Variants in WDR47 observed in about 807,000 individuals in gnomAD.
The protein encoded by WDR47 is WD repeat-containing protein 47.
WDR47 carries 32 observed loss-of-function variants against 97.2 expected under a neutral mutation model. The observed-to-expected ratio is 0.33, with a 90% confidence interval of 0.25 to 0.44. The LOEUF (loss-of-function observed/expected upper bound fraction) is 0.44, where lower values mean the gene tolerates loss of function less well. Ranked by LOEUF, WDR47 falls within the 20% of genes least tolerant of loss-of-function variation. The pLI is 1.00. For synonymous variants in WDR47, 375 were observed against 373.5 expected (o/e 1.00, Z -0.05); for missense variants, 782 against 1,102.3 (o/e 0.71, Z 4.11).
chr1:109,016,335 A>G (rs1328496023), intron 3 of WDR47, among the ~76,000 whole-genome samples: 3 of 151,848 alleles, frequency 2.0e-5, no homozygotes. Context: ...CCCAGGAGGT[A>G]AGGCTACAGT....
At chr1:109,037,030 TA>T (rs780260782) in intron 1 of WDR47, among the ~76,000 whole-genome samples, 1 of 151,632 alleles carries the variant, frequency 6.6e-6, no homozygotes, top group Non-Finnish European at 1.5e-5. Context: ...AAGCTCTTCT[TA>T]AAGTTTCAAA....
chr1:108,981,253 T>C (rs1419901124), intron 13 of WDR47, among the ~76,000 whole-genome samples: 19 of 152,092 alleles, frequency 1.2e-4, no homozygotes, highest in Admixed American at 9.2e-4. Flanking sequence ...TGTGTGTGTG[T>C]GCGTGTGTGT....
At position 108,975,679 on chromosome 1, in the gene WDR47, TA is replaced by T. The variant is rs200500804; in HGVS notation, c.2399-926del. The stretch of plus-strand genomic sequence containing the variant: ...GAGACCCTGTCTCAAAAAAATAAAT[TA>T]AAAAAAAAAAAGTTTGAATAACACT... On this transcript the variant is annotated intron_variant, in intron 13 of 14. Transcript: ENST00000369962. 1.4e-3 allele frequency among the ~76,000 whole-genome samples: 198 copies of T among 140,816 alleles called. 1 individual carries two copies. The highest frequency in any genetic ancestry group is 6.5e-3 in the East Asian group (32 of 4,888). 92.4% of individuals were successfully genotyped at this position (140,816 alleles called of 152,430 possible).
intron 3 of WDR47, among the ~76,000 whole-genome samples, chr1:109,016,899 C>T (rs571159254): frequency 6.6e-6 from 1 of 151,844 alleles, no homozygotes; most frequent in South Asian, 2.1e-4. Flanking sequence ...ACTACACTAG[C>T]AAACAAGCAG....
chr1:108,979,251 A>G (rs565200200), intron 13 of WDR47, among the ~76,000 whole-genome samples: 1 of 152,368 alleles, frequency 6.6e-6, no homozygotes. Flanking sequence ...AACAAACACA[A>G]TTATTAACCC....
At chr1:109,011,816 G>A in intron 4 of WDR47, 98 bp from the exon 5 acceptor site, 1 of 1,118,578 alleles carries the variant, frequency 8.9e-7, no homozygotes, top group Admixed American at 2.6e-5. Context: ...TATTGCCACA[G>A]AATACTCATA....
chr1:108,995,142 C>T (rs893875854), intron 8 of WDR47, among the ~76,000 whole-genome samples: 1 of 152,154 alleles, frequency 6.6e-6, no homozygotes, highest in Non-Finnish European at 1.5e-5. Context: ...TGTAAATATG[C>T]AGTCTTCCAC....
At chr1:109,037,434 C>G (rs1663038642) in intron 1 of WDR47, among the ~76,000 whole-genome samples, 2 of 151,298 alleles carry the variant, frequency 1.3e-5, no homozygotes, top group African/African-American at 2.4e-5. Flanking sequence ...GTCAGGAGAT[C>G]GAGACCACAG....
At chr1:109,028,361 G>GGTTTT (rs1662359854) in intron 1 of WDR47, among the ~76,000 whole-genome samples, 1 of 27,614 alleles carries the variant, frequency 3.6e-5, no homozygotes, top group Non-Finnish European at 7.2e-5. Context: ...ATTTTTGTTG[G>GGTTTT]GTTTTTTTTT....
chr1:108,996,098 G>A (rs1027865284), intron 7 of WDR47, among the ~76,000 whole-genome samples: 2 of 152,064 alleles, frequency 1.3e-5, no homozygotes, highest in Admixed American at 6.6e-5. Context: ...TCAGGGTCTC[G>A]CTCTGTTGCC....
Position 109,012,600 on chromosome 1 carries a change from A to G in WDR47, c.328-882T>C, listed in dbSNP as rs116640738. ...AAAAAAAAAAAAAAAACAGAAAGGG[A>G]ATGCCTAAAGTTGACTTACTACAAA... is the stretch of plus-strand genomic sequence containing the variant. On this transcript the variant is annotated intron_variant, in intron 4 of 14. Transcript: ENST00000369962. Among the ~76,000 whole-genome samples, 1,183 of 148,868 alleles carry G rather than the reference A, an allele frequency of 7.9e-3. 21 individuals carry two copies. Among genetic ancestry groups the G allele is most frequent in the African/African-American group, 0.028 (1,139 of 40,484 alleles).
chr1:109,004,202 T>G (rs1369415229), intron 6 of WDR47, among the ~76,000 whole-genome samples: 1 of 151,736 alleles, frequency 6.6e-6, no homozygotes, highest in African/African-American at 2.4e-5. Flanking sequence ...GAGGCGGAGC[T>G]TGCAGTGAGC....
At chr1:108,971,655 T>C (rs934543990) in intron 14 of WDR47, 83 bp from the exon 15 acceptor site, 2 of 1,469,284 alleles carry the variant, frequency 1.4e-6, no homozygotes, top group African/African-American at 2.8e-5. Context: ...CTTTAAGACA[T>C]TACAGTATAA....
chr1:109,014,479 A>G (rs1341023359), intron 3 of WDR47, among the ~76,000 whole-genome samples: 2 of 151,770 alleles, frequency 1.3e-5, no homozygotes, highest in Admixed American at 1.3e-4. Flanking sequence ...CTGTCACCCA[A>G]GCTGGAGTAC....
chr1:109,026,134 C>T (rs1662200610), intron 1 of WDR47, among the ~76,000 whole-genome samples: 1 of 151,986 alleles, frequency 6.6e-6, no homozygotes, highest in Non-Finnish European at 1.5e-5. Context: ...GCAGCCTTGA[C>T]CTCCCAGGCT....
At chr1:108,997,019 A>G (rs976098371) in intron 7 of WDR47, among the ~76,000 whole-genome samples, 1 of 151,840 alleles carries the variant, frequency 6.6e-6, no homozygotes, top group Non-Finnish European at 1.5e-5. Flanking sequence ...GGGAGGCTGA[A>G]GCAGGAGAAT....
rs549026684 is a variant in WDR47 at position 109,036,985 on chromosome 1, A to AT, written c.-10+4876dup. Among the ~76,000 whole-genome samples the AT allele has an allele frequency of 8.4e-3, 1,282 of 152,290 alleles. 17 individuals carry two copies. The highest frequency in any genetic ancestry group is 0.029 in the African/African-American group (1,225 of 41,560). ...CTTTATATCATCATCTATTTGTGAA[A>AT]TGCTGTTTTTGCACTTCCCGGAATT... is the stretch of plus-strand genomic sequence containing the variant. On this transcript the variant is annotated intron_variant, in intron 1 of 14. Transcript: ENST00000369962.
intron 8 of WDR47, 26 bp downstream of exon 8, chr1:108,995,554 C>T (rs768897632): frequency 6.2e-7 from 1 of 1,609,618 alleles, no homozygotes; most frequent in Admixed American, 1.7e-5. Flanking sequence ...TTAATATTTC[C>T]AAGTTTTACA....
chr1:109,033,406 T>C (rs945531479), intron 1 of WDR47, among the ~76,000 whole-genome samples: 2 of 152,120 alleles, frequency 1.3e-5, no homozygotes, highest in African/African-American at 2.4e-5. Flanking sequence ...GCAAAAAATA[T>C]AGACAATTCA....
Sources: gnomAD v4.1 joint callset for allele counts (sites outside exome capture counted in the v4.1 genomes callset) on GRCh38, gnomAD v4.1.1 for gene constraint, MANE v1.5 for transcripts, NCBI Gene and HGNC (gene_info 2026-07-23, HGNC 2026-07-21) for gene names.